Variants in VPS45 observed in about 807,000 individuals in gnomAD.
The protein encoded by VPS45 is vacuolar protein sorting 45 homolog.
In VPS45, 35 loss-of-function variants were observed where a neutral mutation model predicts 75.9. That is an observed-to-expected ratio of 0.46 (90% CI 0.35 to 0.61). The LOEUF is 0.61. VPS45 is among the 20% of genes least tolerant of loss of function. The pLI is 0.00. For missense variants in VPS45, 559 were observed against 685.9 expected, an observed-to-expected ratio of 0.81 and a Z score of 2.07; for synonymous variants, 220 against 238.2, an observed-to-expected ratio of 0.92 and a Z score of 0.70.
chr1:150,122,975 C>T (rs1361820355), intron 14 of VPS45, among the ~76,000 whole-genome samples: 2 of 95,460 alleles, frequency 2.1e-5, no homozygotes, highest in South Asian at 4.0e-4. Flanking sequence ...GCAACAAGAG[C>T]GAAACTCCTT....
intron 10 of VPS45, among the ~76,000 whole-genome samples, chr1:150,087,020 G>A (rs1656056435): frequency 6.6e-6 from 1 of 151,004 alleles, no homozygotes; most frequent in South Asian, 2.1e-4. Context: ...ACTGTAATCT[G>A]TATAATAGTT....
chr1:150,077,547 A>G (rs797042195), intron 6 of VPS45, 122 bp from the exon 7 acceptor site: 1 of 743,962 alleles, frequency 1.3e-6, no homozygotes, highest in Non-Finnish European at 2.2e-6. Flanking sequence ...AATCCTTCAT[A>G]TGGAAGATCT....
At chr1:150,142,942 G>A in intron 14 of VPS45, 1 of 388,644 alleles carries the variant, frequency 2.6e-6, no homozygotes, top group Admixed American at 3.1e-5. Context: ...GTAAGCCACT[G>A]CACCCGTCCA....
intron 3 of VPS45, among the ~76,000 whole-genome samples, chr1:150,074,210 G>A (rs1486892338): frequency 6.6e-6 from 1 of 151,534 alleles, no homozygotes; most frequent in African/African-American, 2.4e-5. Context: ...GTAGAGACAG[G>A]GTTTCACCGT....
intron 14 of VPS45, among the ~76,000 whole-genome samples, chr1:150,122,185 G>A (rs782347823): frequency 5.3e-5 from 8 of 152,154 alleles, no homozygotes; most frequent in Admixed American, 2.0e-4. Flanking sequence ...GCCGGGCCTG[G>A]TGGTGCACTC....
chr1:150,141,068 A>C (rs1659366960), intron 14 of VPS45, among the ~76,000 whole-genome samples: 1 of 152,152 alleles, frequency 6.6e-6, no homozygotes, highest in Admixed American at 6.6e-5. Flanking sequence ...AGAGGTGAGG[A>C]GCATTTTCAG....
chr1:150,106,459 G>A lies in VPS45; in HGVS notation c.1494-4037G>A, dbSNP rs1017558132. On this transcript the variant is annotated intron_variant, in intron 13 of 14. Transcript: ENST00000644510. The stretch of plus-strand genomic sequence containing the variant: ...AAAGAATTACAAGTGGCCAAAAAAC[G>A]CTTGAAAAAATGCTCAACATTACTG... 7.2e-5 allele frequency among the ~76,000 whole-genome samples: 11 copies of A among 152,060 alleles called. No homozygotes were observed. The South Asian group carries it at 1.5e-3, about 20-fold the overall frequency.
Position 150,074,086 on chromosome 1 carries a change from C to G in VPS45, c.289+1860C>G, listed in dbSNP as rs1156373032. Among the ~76,000 whole-genome samples the G allele has an allele frequency of 2.0e-5, 3 of 150,572 alleles. No individual in the cohort carries two copies. The Admixed American group carries it at 2.0e-4, about 10-fold the overall frequency. ...CTGGAGTGCAGTGTCGCCATCTCAACTCACTGCAACCTCCACCTCCCGGGT... is the reference window on the plus strand; with the variant it reads ...CTGGAGTGCAGTGTCGCCATCTCAAGTCACTGCAACCTCCACCTCCCGGGT... On this transcript the variant is annotated intron_variant, in intron 3 of 14. Transcript: ENST00000644510.
intron 14 of VPS45, among the ~76,000 whole-genome samples, chr1:150,125,911 C>T (rs1309654530): frequency 2.6e-5 from 4 of 152,086 alleles, no homozygotes; most frequent in African/African-American, 7.2e-5. Context: ...TGGTCTTGAA[C>T]TCCTGACCTT....
At chr1:150,068,837 A>G (rs1301370640) in intron 2 of VPS45, 73 bp downstream of exon 2, 2 of 1,356,998 alleles carry the variant, frequency 1.5e-6, no homozygotes, top group Non-Finnish European at 2.0e-6. Context: ...TTAAGAAGGC[A>G]AAATAAATTT....
intron 10 of VPS45, among the ~76,000 whole-genome samples, chr1:150,091,708 T>C (rs1553801931): frequency 6.6e-6 from 1 of 152,220 alleles, no homozygotes; most frequent in African/African-American, 2.4e-5. Flanking sequence ...CATTATTAAA[T>C]TCATTTTTGT....
intron 14 of VPS45, among the ~76,000 whole-genome samples, chr1:150,137,073 A>AT (rs1186674657): frequency 2.0e-5 from 3 of 151,796 alleles, no homozygotes; most frequent in African/African-American, 7.3e-5. Context: ...TAATTTTTGT[A>AT]TTTTTTTGTA....
chr1:150,087,675 G>A (rs782603187), intron 10 of VPS45, among the ~76,000 whole-genome samples: 2 of 152,154 alleles, frequency 1.3e-5, no homozygotes, highest in Non-Finnish European at 2.9e-5. Flanking sequence ...AAGGTCCTGC[G>A]TCTCCAAGGA....
intron 10 of VPS45, 177 bp downstream of exon 10, chr1:150,083,060 G>A: frequency 3.0e-6 from 2 of 659,216 alleles, no homozygotes; most frequent in Non-Finnish European, 4.7e-6. Context: ...CACAAGAGAA[G>A]TGTAATGTGC....
intron 14 of VPS45, among the ~76,000 whole-genome samples, chr1:150,130,621 A>G (rs891841975): frequency 6.6e-6 from 1 of 152,134 alleles, no homozygotes; most frequent in Admixed American, 6.5e-5. Flanking sequence ...TCAATCCTCA[A>G]TTTTTTGTTC....
At chr1:150,137,228 A>G (rs1405992491) in intron 14 of VPS45, among the ~76,000 whole-genome samples, 5 of 152,144 alleles carry the variant, frequency 3.3e-5, no homozygotes, top group Admixed American at 6.6e-5. Context: ...ATGCCAACCT[A>G]TTCCCTTGCT....
chr1:150,134,715 C>G (rs1658987961), intron 14 of VPS45, among the ~76,000 whole-genome samples: 1 of 152,150 alleles, frequency 6.6e-6, no homozygotes, highest in African/African-American at 2.4e-5. Flanking sequence ...TGTATTGTTG[C>G]AGGTAACCTC....
In VPS45 at chr1:150,141,226, A is replaced by T. The variant is rs186018320; in HGVS notation, c.1626-3483A>T. Among the ~76,000 whole-genome samples the T allele has an allele frequency of 7.4e-4, 112 of 152,248 alleles. 2 individuals carry two copies. Among genetic ancestry groups the T allele is most frequent in the African/African-American group, 2.5e-3 (102 of 41,526 alleles). On this transcript the variant is annotated intron_variant, in intron 14 of 14. Coordinates refer to ENST00000644510, the MANE Select transcript of VPS45 (RefSeq NM_007259.5). ...TGGGGTTTTTCTCATTATTTTCCTG[A>T]AAGTCTTTTTCTATTTTTCTGCTCC...
At chr1:150,100,398 C>T (rs190547303) in intron 13 of VPS45, among the ~76,000 whole-genome samples, 355 of 152,282 alleles carry the variant, frequency 2.3e-3, no homozygotes, top group Non-Finnish European at 3.8e-3. Context: ...ATTAAAATGG[C>T]TATACTGCCC....
Sources: allele counts gnomAD v4.1 joint callset (sites outside exome capture counted in the v4.1 genomes callset), GRCh38; gene constraint gnomAD v4.1.1; transcripts MANE v1.5; gene names NCBI Gene and HGNC (gene_info 2026-07-23, HGNC 2026-07-21).